The following DYM variants were observed in gnomAD, a reference collection of about 807,000 sequenced individuals.
DYM encodes dyggve-Melchior-Clausen syndrome protein.
DYM carries 78 observed loss-of-function variants against 93.1 expected under a neutral mutation model. That is an observed-to-expected ratio of 0.84 (90% confidence interval 0.70 to 1.01). DYM has a LOEUF of 1.01. Ranked by LOEUF, DYM falls within the 50% of genes least tolerant of loss-of-function variation. The pLI, the probability that DYM is intolerant of heterozygous loss-of-function variation, is 0.00. For synonymous variants in DYM, 321 were observed against 319.7 expected, an observed-to-expected ratio of 1.00 and a Z score of -0.04; for missense variants, 789 against 845.0, an observed-to-expected ratio of 0.93 and a Z score of 0.82.
chr18:49,339,492 A>C (rs2146968264), intron 6 of DYM, among the ~76,000 whole-genome samples: 1 of 152,122 alleles, frequency 6.6e-6, no homozygotes, highest in South Asian at 2.1e-4. Flanking sequence ...GCCTTGCTGT[A>C]GGCTAACATA....
chr18:49,323,832 T>A (rs2062684997), intron 8 of DYM, among the ~76,000 whole-genome samples: 1 of 152,132 alleles, frequency 6.6e-6, no homozygotes, highest in Admixed American at 6.6e-5. Context: ...GAAGTAAGGG[T>A]CTTCAGTCAT....
At chr18:49,113,167 T>G (rs184896808) in intron 16 of DYM, among the ~76,000 whole-genome samples, 2 of 152,184 alleles carry the variant, frequency 1.3e-5, no homozygotes, top group Admixed American at 6.5e-5. Flanking sequence ...AGTGCTAGTT[T>G]AGAGCTTGAT....
At chr18:49,325,411 G>T (rs546235168) in intron 8 of DYM, among the ~76,000 whole-genome samples, 4 of 152,114 alleles carry the variant, frequency 2.6e-5, no homozygotes. Flanking sequence ...CTCCACACAA[G>T]AATTAAAATG....
intron 17 of DYM, among the ~76,000 whole-genome samples, chr18:49,087,442 C>T (rs1281074197): frequency 1.3e-5 from 2 of 152,198 alleles, no homozygotes; most frequent in African/African-American, 4.8e-5. Flanking sequence ...GCTTACACAT[C>T]TACCACATAT....
chr18:49,126,120 G>C (rs539070943), intron 15 of DYM: 1 of 152,204 alleles, frequency 6.6e-6, no homozygotes, highest in South Asian at 2.1e-4. Context: ...ATTTTTAAGT[G>C]ACAACAGTTC....
intron 15 of DYM, among the ~76,000 whole-genome samples, chr18:49,138,647 A>G (rs1408727690): frequency 2.0e-5 from 3 of 152,208 alleles, no homozygotes; most frequent in African/African-American, 7.2e-5. Flanking sequence ...CAATATTCCC[A>G]GATGAAATGT....
In DYM at chr18:49,275,541, G is replaced by A. The variant is rs76946565; in HGVS notation, c.1126-3238C>T. Among the ~76,000 whole-genome samples, 386 of 152,214 alleles carry A rather than the reference G, an allele frequency of 2.5e-3. 5 individuals carry two copies. Among genetic ancestry groups the A allele is most frequent in the East Asian group, 0.018 (92 of 5,182 alleles). ...TTCTAATAGGTATTGTGCTCAATGT[G>A]TATGTCAGTCTGGGGAATACTGCCA... On this transcript the variant is annotated intron_variant, in intron 10 of 17. Transcript: ENST00000675505.
At chr18:49,193,284 C>G (rs1039464282) in intron 14 of DYM, among the ~76,000 whole-genome samples, 1 of 151,926 alleles carries the variant, frequency 6.6e-6, no homozygotes, top group Non-Finnish European at 1.5e-5. Flanking sequence ...GCTATTATCA[C>G]CACTACTGGG....
chr18:49,127,039 C>T (rs935386548), intron 15 of DYM, among the ~76,000 whole-genome samples: 1 of 152,172 alleles, frequency 6.6e-6, no homozygotes, highest in Non-Finnish European at 1.5e-5. Flanking sequence ...TCAAAATTAG[C>T]TTTGTCAGAG....
intron 5 of DYM, among the ~76,000 whole-genome samples, chr18:49,366,800 A>G (rs2066560106): frequency 6.6e-6 from 1 of 152,208 alleles, no homozygotes; most frequent in Non-Finnish European, 1.5e-5. Flanking sequence ...TTTATACTCA[A>G]TGTCATGTTA....
chr18:49,209,831 G>T (rs1429076857), intron 13 of DYM, 116 bp from the exon 14 acceptor site: 2 of 419,870 alleles, frequency 4.8e-6, no homozygotes, highest in African/African-American at 2.3e-5. Flanking sequence ...TGGTGCCCAA[G>T]AAAAAAAAAA....
chr18:49,155,949 G>A (rs1216180398), intron 15 of DYM, among the ~76,000 whole-genome samples: 1 of 152,152 alleles, frequency 6.6e-6, no homozygotes, highest in Non-Finnish European at 1.5e-5. Context: ...TCTATCATGT[G>A]ACAACTCTGT....
chr18:49,354,707 T>C (rs1286620589), intron 6 of DYM, among the ~76,000 whole-genome samples: 2 of 152,080 alleles, frequency 1.3e-5, no homozygotes, highest in African/African-American at 2.4e-5. Context: ...ATTAGGGAAC[T>C]GCAAATTAAA....
At chr18:49,322,380 A>C (rs1198081451) in intron 8 of DYM, among the ~76,000 whole-genome samples, 4 of 149,108 alleles carry the variant, frequency 2.7e-5, no homozygotes, top group Admixed American at 2.6e-4. Flanking sequence ...GCTTTGTCTT[A>C]TAACTTAAAA....
At chr18:49,430,179 T>TA (rs1491043676) in intron 2 of DYM, 76 bp downstream of exon 2, 1 of 1,318,886 alleles carries the variant, frequency 7.6e-7, no homozygotes, top group African/African-American at 1.6e-5. Context: ...CATTTCTAAA[T>TA]TTTTTTTTAA....
At chr18:49,399,323 C>T (rs1236055681) in intron 2 of DYM, among the ~76,000 whole-genome samples, 4 of 152,172 alleles carry the variant, frequency 2.6e-5, no homozygotes, top group African/African-American at 9.7e-5. Flanking sequence ...ATAGTGCATG[C>T]AGAGGCATCG....
At chr18:49,133,632 A>G (rs1000912456) in intron 15 of DYM, among the ~76,000 whole-genome samples, 2 of 152,166 alleles carry the variant, frequency 1.3e-5, no homozygotes, top group Admixed American at 6.5e-5. Context: ...ATTCCCCATC[A>G]CATTGCCTCC....
At chr18:49,044,687 A>T (rs1056287418) in intron 17 of DYM, among the ~76,000 whole-genome samples, 15 of 151,884 alleles carry the variant, frequency 9.9e-5, no homozygotes, top group African/African-American at 3.6e-4. Flanking sequence ...CCACCGGTGG[A>T]GGGGGGCTAC....
chr18:49,181,090 A>C (rs1056191301), intron 14 of DYM, among the ~76,000 whole-genome samples: 2 of 152,188 alleles, frequency 1.3e-5, no homozygotes, highest in Admixed American at 6.5e-5. Context: ...TCTGATTTGG[A>C]GAATCACTGG....
Sources: gnomAD v4.1 joint callset for allele counts (sites outside exome capture counted in the v4.1 genomes callset) on GRCh38, gnomAD v4.1.1 for gene constraint, MANE v1.5 for transcripts, NCBI Gene and HGNC (gene_info 2026-07-23, HGNC 2026-07-21) for gene names.